SLC11A2: variants seen among roughly 807,000 people sequenced by gnomAD.
SLC11A2 encodes natural resistance-associated macrophage protein 2.
A neutral mutation model predicts 68.0 loss-of-function variants in SLC11A2; 38 were observed. The observed-to-expected ratio is 0.56, with a 90% CI of 0.43 to 0.73. The LOEUF (loss-of-function observed/expected upper bound fraction) is 0.73, where lower values mean the gene tolerates loss of function less well. Among genes scored for constraint, SLC11A2 ranks in the 30% least tolerant of loss-of-function variants. SLC11A2 has a pLI of 0.00. For synonymous variants in SLC11A2, 242 were observed against 250.6 expected (o/e 0.97, Z 0.32); for missense variants, 517 against 690.5 (o/e 0.75, Z 2.82).
the SLC11A2 span, among the ~76,000 whole-genome samples, chr12:50,968,406 G>C: frequency 6.6e-6 from 1 of 151,888 alleles, no homozygotes; most frequent in Non-Finnish European, 1.5e-5. Context: ...TGTGTGGGGG[G>C]AGACAGGGTC....
At chr12:50,992,732 A>C (rs1941288454) in intron 12 of SLC11A2, 78 bp downstream of exon 12, 6 of 1,140,522 alleles carry the variant, frequency 5.3e-6, no homozygotes, top group Middle Eastern at 2.6e-4. Context: ...CTCCATCTCA[A>C]AAAAAAAAAA....
Position 50,986,632 on chromosome 12 carries a change from C to T in SLC11A2, c.*1693G>A, listed in dbSNP as rs1005518516. ...GCAGCCAGGTGAGAGCTTAAGATGT[C>T]AGTCCCCAATATCTTCACAGAGTGC... is the stretch of plus-strand genomic sequence containing the variant. On this transcript the variant is annotated 3_prime_UTR_variant, in exon 16 of 16. Transcript: ENST00000262052. 4.7e-6 allele frequency: 6 copies of T among 1,286,768 alleles called. No individual in the cohort carries two copies. In the Admixed American group the frequency reaches 9.2e-5, roughly 20 times the overall value. The allele number at this position is 1,286,768 out of a possible 1,614,324, so 79.7% of individuals were successfully genotyped here.
At chr12:51,007,377 C>G (rs554173326) in intron 3 of SLC11A2, among the ~76,000 whole-genome samples, 3 of 152,294 alleles carry the variant, frequency 2.0e-5, no homozygotes, top group Admixed American at 1.3e-4. Context: ...CTCTGTCACT[C>G]AGGCCGGAGT....
At chr12:51,002,638 C>CAAAAA (rs755823057) in intron 5 of SLC11A2, among the ~76,000 whole-genome samples, 8 of 71,784 alleles carry the variant, frequency 1.1e-4, no homozygotes, top group African/African-American at 3.1e-4. Context: ...GACTTGGTCT[C>CAAAAA]AAAAAAAAAA....
At chr12:51,023,826 C>A (rs535960489) in intron 1 of SLC11A2, among the ~76,000 whole-genome samples, 27 of 152,208 alleles carry the variant, frequency 1.8e-4, no homozygotes, top group African/African-American at 6.5e-4. Flanking sequence ...ACTCCATCTC[C>A]ACAAAAAAAT....
At chr12:51,006,022 A>C (rs891471235) in intron 3 of SLC11A2, among the ~76,000 whole-genome samples, 2 of 152,212 alleles carry the variant, frequency 1.3e-5, no homozygotes, top group Non-Finnish European at 2.9e-5. Context: ...GGCCAGGCAC[A>C]GTGGTTCCTG....
At chr12:50,981,845 G>GT (rs1184049769), downstream of SLC11A2, 5 of 1,186,238 alleles carry the variant, frequency 4.2e-6, no homozygotes, top group Non-Finnish European at 5.8e-6. Context: ...TGATTTTCAC[G>GT]TATTTATTGA....
downstream of SLC11A2, chr12:50,981,800 G>A (rs1940042009): frequency 2.0e-6 from 3 of 1,510,876 alleles, no homozygotes; most frequent in Admixed American, 4.3e-5. Flanking sequence ...AATCCCAGAT[G>A]GCACTAAGGA....
chr12:51,021,871 A>G (rs965954049), intron 1 of SLC11A2, among the ~76,000 whole-genome samples: 11 of 152,154 alleles, frequency 7.2e-5, no homozygotes, highest in African/African-American at 1.2e-4. Context: ...GTCAAAAACG[A>G]TAACAGTTGG....
intron 5 of SLC11A2, among the ~76,000 whole-genome samples, chr12:51,001,962 C>T (rs1049518968): frequency 3.3e-5 from 5 of 152,172 alleles, no homozygotes; most frequent in Non-Finnish European, 5.9e-5. Context: ...AAGTCAGAAA[C>T]TTATCTGGCC....
chr12:51,020,709 A>C (rs542115156), intron 1 of SLC11A2, among the ~76,000 whole-genome samples: 1 of 152,334 alleles, frequency 6.6e-6, no homozygotes, highest in African/African-American at 2.4e-5. Flanking sequence ...TTGGGGGAAA[A>C]AACGGTTGCT....
At chr12:50,961,378 A>G in the SLC11A2 span, among the ~76,000 whole-genome samples, 19,628 of 152,132 alleles carry the variant, frequency 0.13, 1,735 homozygotes, top group East Asian at 0.42. Context: ...TTCCTATCCT[A>G]TAACTCAAGC....
downstream of SLC11A2, among the ~76,000 whole-genome samples, chr12:50,984,249 T>C (rs1940330704): frequency 6.6e-6 from 1 of 152,210 alleles, no homozygotes. Flanking sequence ...CAGTGATGAC[T>C]GTGTGAAGAC....
chr12:50,984,095 C>T (rs1940316452), downstream of SLC11A2, among the ~76,000 whole-genome samples: 1 of 151,744 alleles, frequency 6.6e-6, no homozygotes, highest in South Asian at 2.1e-4. Flanking sequence ...TAGCACTGCA[C>T]TCCAGCCTGG....
At chr12:50,971,541 A>G in the SLC11A2 span, among the ~76,000 whole-genome samples, 117 of 152,330 alleles carry the variant, frequency 7.7e-4, no homozygotes, top group East Asian at 0.02. Flanking sequence ...ACACTGTAGA[A>G]AACACAAGAA....
rs1943153354 is a variant in SLC11A2, at chr12:51,010,768, T to G, written c.-38-2A>C. 4 of 1,584,692 alleles carry G rather than the reference T, an allele frequency of 2.5e-6. No individual in the cohort carries two copies. Among genetic ancestry groups the G allele is most frequent in the Non-Finnish European group, 8.6e-7 (1 of 1,157,328 alleles). ...TGGCTGAGTTCTTAGAATATGATTC[T>G]GGAAAGGAGAAAAGTGAGGGAGAAG... is the stretch of plus-strand genomic sequence containing the variant. On this transcript the variant is annotated splice_acceptor_variant, in intron 1 of 15. Coordinates refer to ENST00000262052, the MANE Select transcript of SLC11A2 (RefSeq NM_000617.3). LOFTEE classifies it low-confidence loss of function (5UTR_SPLICE).
intron 3 of SLC11A2, among the ~76,000 whole-genome samples, chr12:51,007,696 C>T (rs1001656560): frequency 1.3e-5 from 2 of 148,642 alleles, no homozygotes; most frequent in African/African-American, 5.0e-5. Flanking sequence ...AGTGGAGTAC[C>T]ATAGCATGAT....
the SLC11A2 span, chr12:50,961,214 G>A: frequency 4.4e-6 from 5 of 1,136,478 alleles, no homozygotes; most frequent in Admixed American, 2.4e-5. Flanking sequence ...TAATGAGAGA[G>A]GGGTAGGAAA....
At chr12:51,019,075 A>G (rs1345391168) in intron 1 of SLC11A2, among the ~76,000 whole-genome samples, 1 of 152,188 alleles carries the variant, frequency 6.6e-6, no homozygotes, top group Non-Finnish European at 1.5e-5. Flanking sequence ...AATGCTAGCA[A>G]GAATGCGTTC....
Sources: allele counts gnomAD v4.1 joint callset (sites outside exome capture counted in the v4.1 genomes callset), GRCh38; gene constraint gnomAD v4.1.1; transcripts MANE v1.5; gene names NCBI Gene and HGNC (gene_info 2026-07-23, HGNC 2026-07-21).